Variants in MRPS25 observed in about 807,000 individuals in gnomAD.
MRPS25 encodes small ribosomal subunit protein mS25.
A neutral mutation model predicts 17.3 loss-of-function variants in MRPS25; 15 were observed. The ratio of observed to expected loss-of-function variants is 0.87; its 90% CI spans 0.58 to 1.34. MRPS25 has a LOEUF of 1.34. Ranked by LOEUF, MRPS25 falls within the 40% of genes most tolerant of loss-of-function variation. MRPS25 has a pLI of 0.00. For synonymous variants in MRPS25, 94 were observed against 83.3 expected (o/e 1.13, Z -0.70); for missense variants, 225 against 218.6 (o/e 1.03, Z -0.19).
intron 1 of MRPS25, among the ~76,000 whole-genome samples, chr3:15,061,515 G>C (rs1248831573): frequency 1.3e-5 from 2 of 152,220 alleles, no homozygotes; most frequent in Non-Finnish European, 2.9e-5. Context: ...GGTTCACTCA[G>C]TGCTCAATGG....
rs1278973966 is a variant in MRPS25, at chr3:15,051,663, C to T, written c.*778G>A. On this transcript the variant is annotated 3_prime_UTR_variant, in exon 4 of 4. Coordinates refer to ENST00000253686, the MANE Select transcript of MRPS25 (RefSeq NM_022497.5). ...GCTTGGTAAGCAGGGCCTGAGGGAG[C>T]CAGCAGAGCCAGCTATAGACACCAT... is the stretch of plus-strand genomic sequence containing the variant. 4.0e-5 allele frequency: 39 copies of T among 985,648 alleles called. No homozygotes were observed. Among genetic ancestry groups the T allele is most frequent in the Non-Finnish European group, 4.5e-5 (37 of 830,210 alleles). 61.1% of individuals were successfully genotyped at this position (985,648 alleles called of 1,614,324 possible).
intron 2 of MRPS25, among the ~76,000 whole-genome samples, chr3:15,058,940 G>A (rs2042708021): frequency 6.6e-6 from 1 of 151,948 alleles, no homozygotes; most frequent in Non-Finnish European, 1.5e-5. Flanking sequence ...AGACAGAGGG[G>A]TTCTGGGGGC....
rs142919687 is a variant in MRPS25 at position 15,050,008 on chromosome 3, T to C, written c.*2433A>G. On this transcript the variant is annotated 3_prime_UTR_variant, in exon 4 of 4. Coordinates refer to ENST00000253686, the MANE Select transcript of MRPS25 (RefSeq NM_022497.5). Reference sequence around the variant, plus strand: ...GCTTGTGCAAGTAAAATTAAGAACATGTTATCAATTATAAAATCCTCACAT... The same window carrying C: ...GCTTGTGCAAGTAAAATTAAGAACACGTTATCAATTATAAAATCCTCACAT... 8.4e-4 allele frequency: 1,234 copies of C among 1,468,628 alleles called. 3 individuals carry two copies. In the African/African-American group the frequency reaches 0.016, roughly 19 times the overall value. The allele number at this position is 1,468,628 out of a possible 1,614,324, so 91.0% of individuals were successfully genotyped here.
Position 15,065,230 on chromosome 3 carries a change from C to T in MRPS25, c.-36G>A. ...GTGGCGGGGCCGACCCCACGGGCCG[C>T]GAGCCGAGCAGCGACGAGAAAGGAC... On this transcript the variant is annotated 5_prime_UTR_variant, in exon 1 of 4. Transcript: ENST00000253686. 2 of 1,550,600 alleles carry T rather than the reference C, an allele frequency of 1.3e-6. No individual in the cohort carries two copies. Among genetic ancestry groups the T allele is most frequent in the Non-Finnish European group, 1.7e-6 (2 of 1,150,596 alleles).
At chr3:15,044,138 G>A (rs2042369135), downstream of MRPS25, 1 of 152,276 alleles carries the variant, frequency 6.6e-6, no homozygotes, top group South Asian at 2.1e-4. Flanking sequence ...ATTGGGGCTG[G>A]GCAGGAGCCT....
In MRPS25 at chr3:15,062,680, G is replaced by A. The variant is rs372752171; in HGVS notation, c.134+2381C>T. On this transcript the variant is annotated intron_variant, in intron 1 of 3. Coordinates refer to ENST00000253686, the MANE Select transcript of MRPS25 (RefSeq NM_022497.5). ...AATCGGATGGTTGCCGTGTCTGTGT[G>A]GAAAGAGGTAGACATGGGAGACTTT... is the stretch of plus-strand genomic sequence containing the variant. Among the ~76,000 whole-genome samples the A allele has an allele frequency of 1.3e-3, 194 of 152,232 alleles. 4 individuals are homozygous for A. The East Asian group carries it at 0.023, about 18-fold the overall frequency.
chr3:15,057,369 C>G (rs1274027775), intron 2 of MRPS25, among the ~76,000 whole-genome samples: 1 of 152,176 alleles, frequency 6.6e-6, no homozygotes, highest in African/African-American at 2.4e-5. Flanking sequence ...CTAACTCTCT[C>G]GGCATCTTAC....
Position 15,051,994 on chromosome 3 carries a change from A to C in MRPS25, c.*447T>G. Reference sequence around the variant, plus strand: ...AGGAACTGAACGGAGGGGTGTACACACTGCCAACCACAGACAGTGCTAGCC... The same window carrying C: ...AGGAACTGAACGGAGGGGTGTACACCCTGCCAACCACAGACAGTGCTAGCC... On this transcript the variant is annotated 3_prime_UTR_variant, in exon 4 of 4. Transcript: ENST00000253686. The C allele has an allele frequency of 1.0e-6, 1 of 990,946 alleles. No homozygotes were observed. Among genetic ancestry groups the C allele is most frequent in the South Asian group, 4.7e-5 (1 of 21,476 alleles). 61.4% of individuals were successfully genotyped at this position (990,946 alleles called of 1,614,324 possible).
chr3:15,042,930 G>C, downstream of MRPS25: 6 of 1,614,076 alleles, frequency 3.7e-6, no homozygotes, highest in Non-Finnish European at 4.2e-6. Flanking sequence ...GCAATGTTTC[G>C]ATAGACAGCA....
In MRPS25 at chr3:15,049,724, G is replaced by T. The variant is rs937300140; in HGVS notation, c.*2717C>A. 1.9e-5 allele frequency: 11 copies of T among 582,988 alleles called. No homozygotes were observed. The highest frequency in any genetic ancestry group is 3.3e-5 in the Non-Finnish European group (11 of 336,214). 36.1% of individuals were successfully genotyped at this position (582,988 alleles called of 1,614,324 possible). On this transcript the variant is annotated 3_prime_UTR_variant, in exon 4 of 4. Coordinates refer to ENST00000253686, the MANE Select transcript of MRPS25 (RefSeq NM_022497.5). ...TCATCTGACCTCTCATGTTCCAGGTGAAAATTCTGAGGTCCAAAGTCTGAT... is the reference window on the plus strand; with the variant it reads ...TCATCTGACCTCTCATGTTCCAGGTTAAAATTCTGAGGTCCAAAGTCTGAT...
In MRPS25 at chr3:15,065,080, C is replaced by A. The variant is rs1026532528; in HGVS notation, c.115G>T (p.Glu39Ter). 5.6e-6 allele frequency: 9 copies of A among 1,601,314 alleles called. No individual in the cohort carries two copies. The highest frequency in any genetic ancestry group is 7.7e-6 in the Non-Finnish European group (9 of 1,175,040). ...VMTVNYNTHG[E>*]LGEGARKFVF... is the part of the protein sequence containing the mutation. Reference sequence around the variant, plus strand: ...ACTGACCTGGCGCCCTCGCCCAGCTCCCCATGCGTGTTGTAATTCACTGTC... The same window carrying A: ...ACTGACCTGGCGCCCTCGCCCAGCTACCCATGCGTGTTGTAATTCACTGTC... Residue 39 changes from glutamate to a stop codon, truncating the protein, a stop_gained, in exon 1 of 4, where the codon GAG becomes TAG. Coordinates refer to ENST00000253686, the MANE Select transcript of MRPS25 (RefSeq NM_022497.5). LOFTEE classifies it high-confidence loss of function.
chr3:15,064,812 A>G (rs1026718424), intron 1 of MRPS25, among the ~76,000 whole-genome samples: 14 of 152,284 alleles, frequency 9.2e-5, no homozygotes, highest in African/African-American at 3.4e-4. Flanking sequence ...ACCGCGCCGG[A>G]GGAAGGAGAT....
rs1177613757 is a variant in MRPS25, at chr3:15,052,081, A to C, written c.*360T>G. The C allele has an allele frequency of 2.0e-6, 2 of 1,021,838 alleles. No homozygotes were observed. Among genetic ancestry groups the C allele is most frequent in the African/African-American group, 3.4e-5 (2 of 58,600 alleles). The allele number at this position is 1,021,838 out of a possible 1,614,324, so 63.3% of individuals were successfully genotyped here. On this transcript the variant is annotated 3_prime_UTR_variant, in exon 4 of 4. Coordinates refer to ENST00000253686, the MANE Select transcript of MRPS25 (RefSeq NM_022497.5). ...AGAGCCCAGAGGAAGATTCAAAGCCAGCGGAGACCAGTAAAGGGTCGCAGG... is the reference window on the plus strand; with the variant it reads ...AGAGCCCAGAGGAAGATTCAAAGCCCGCGGAGACCAGTAAAGGGTCGCAGG...
rs2042587549 is a variant in MRPS25 at position 15,050,446 on chromosome 3, ACT to A, written c.*1993_*1994del. The A allele has an allele frequency of 2.6e-5, 26 of 997,256 alleles. No individual in the cohort carries two copies. The highest frequency in any genetic ancestry group is 3.1e-5 in the Non-Finnish European group (26 of 838,830). 61.8% of individuals were successfully genotyped at this position (997,256 alleles called of 1,614,324 possible). A position where few individuals can be genotyped will look rare whatever the true frequency, so the allele number is the denominator to read the frequency against. ...TCTTTGGGCCCTAGAGGGAAGGAAT[ACT>A]CTCATAAGGCTTTGTGTGTCACTAG... On this transcript the variant is annotated 3_prime_UTR_variant, in exon 4 of 4. Transcript: ENST00000253686.
At chr3:15,048,419 TAAGAA>T (rs1372092425), downstream of MRPS25, 8 of 152,650 alleles carry the variant, frequency 5.2e-5, no homozygotes, top group Non-Finnish European at 1.0e-4. Flanking sequence ...AGTGTGAGCT[TAAGAA>T]AAGTATCTTT....
Position 15,050,473 on chromosome 3 carries a change from G to C in MRPS25, c.*1968C>G. 6 of 983,342 alleles carry C rather than the reference G, an allele frequency of 6.1e-6. No homozygotes were observed. The highest frequency in any genetic ancestry group is 4.7e-5 in the South Asian group (1 of 21,152). The allele number at this position is 983,342 out of a possible 1,614,324, so 60.9% of individuals were successfully genotyped here. A position where few individuals can be genotyped will look rare whatever the true frequency, so the allele number is the denominator to read the frequency against. Reference sequence around the variant, plus strand: ...TCTCATAAGGCTTTGTGTGTCACTAGCTATGGAGACCTACACTGCAGATGA... The same window carrying C: ...TCTCATAAGGCTTTGTGTGTCACTACCTATGGAGACCTACACTGCAGATGA... On this transcript the variant is annotated 3_prime_UTR_variant, in exon 4 of 4. Transcript: ENST00000253686.
At position 15,049,973 on chromosome 3, in the gene MRPS25, TG is replaced by T; in HGVS notation, c.*2467del. The stretch of plus-strand genomic sequence containing the variant: ...AAAAGTGGTCACTTCAGAATAAGGC[TG>T]TGAACACTGCTTGTGCAAGTAAAAT... On this transcript the variant is annotated 3_prime_UTR_variant, in exon 4 of 4. Transcript: ENST00000253686. 4 of 1,500,446 alleles carry T rather than the reference TG, an allele frequency of 2.7e-6. No individual in the cohort carries two copies. The highest frequency in any genetic ancestry group is 3.5e-6 in the Non-Finnish European group (4 of 1,136,298). The allele number at this position is 1,500,446 out of a possible 1,614,324, so 92.9% of individuals were successfully genotyped here.
intron 2 of MRPS25, among the ~76,000 whole-genome samples, chr3:15,055,942 A>G (rs1270529531): frequency 6.6e-6 from 1 of 151,462 alleles, no homozygotes; most frequent in African/African-American, 2.4e-5. Flanking sequence ...GGCCGGACGC[A>G]GTGGCTCATG....
intron 1 of MRPS25, among the ~76,000 whole-genome samples, chr3:15,061,866 C>T (rs561964540): frequency 6.6e-6 from 1 of 151,714 alleles, no homozygotes; most frequent in African/African-American, 2.4e-5. Context: ...TGCCCAGCCA[C>T]CCCGTCTGAG....
Sources: allele counts gnomAD v4.1 joint callset (sites outside exome capture counted in the v4.1 genomes callset), GRCh38; gene constraint gnomAD v4.1.1; transcripts MANE v1.5; gene names NCBI Gene and HGNC (gene_info 2026-07-23, HGNC 2026-07-21).